Variants in CCDC12 observed in about 807,000 individuals in gnomAD.
CCDC12 encodes coiled-coil domain-containing protein 12.
Under a neutral mutation model 25.7 loss-of-function variants are expected in CCDC12, and 28 were observed. The observed-to-expected ratio is 1.09, with a 90% CI of 0.81 to 1.50. CCDC12 has a LOEUF of 1.50. Ranked by LOEUF, CCDC12 falls within the 40% of genes most tolerant of loss-of-function variation. The pLI is 0.00. For missense variants in CCDC12, 198 were observed against 210.0 expected (o/e 0.94, Z 0.35); for synonymous variants, 75 against 87.7 (o/e 0.86, Z 0.81).
intron 1 of CCDC12, among the ~76,000 whole-genome samples, chr3:46,949,487 A>G (rs1211491740): frequency 2.0e-5 from 3 of 152,102 alleles, no homozygotes; most frequent in Non-Finnish European, 4.4e-5. Context: ...CCTGGCTCCA[A>G]ACTCCCTCCA....
intron 1 of CCDC12, among the ~76,000 whole-genome samples, chr3:46,948,897 T>C (rs2034008038): frequency 6.6e-6 from 1 of 152,200 alleles, no homozygotes; most frequent in Non-Finnish European, 1.5e-5. Context: ...CAGCAGACTT[T>C]ATCAGTCGAC....
chr3:46,976,962 AAAAAAAAG>A, upstream of CCDC12: 2 of 570,232 alleles, frequency 3.5e-6, no homozygotes, highest in Non-Finnish European at 2.9e-6. Flanking sequence ...GCCAGCAAAA[AAAAAAAAG>A]AAAAAAAAAA....
At position 46,973,353 on chromosome 3, in the gene CCDC12, C is replaced by CAAAA. The variant is rs71098438; in HGVS notation, c.96+3280_96+3283dup. On this transcript the variant is annotated intron_variant, in intron 1 of 6. Transcript: ENST00000683445. ...GGGCAACAAGAGCGAAGCTCCATCT[C>CAAAA]AAAAAAAAAAAAAAAAAATTAATCC... 2.3e-3 allele frequency among the ~76,000 whole-genome samples: 240 copies of CAAAA among 103,914 alleles called. 2 individuals are homozygous for CAAAA. The highest frequency in any genetic ancestry group is 8.6e-3 in the African/African-American group (216 of 25,148). 68.2% of individuals were successfully genotyped at this position (103,914 alleles called of 152,430 possible). A position where few individuals can be genotyped will look rare whatever the true frequency, so the allele number is the denominator to read the frequency against.
intron 1 of CCDC12, among the ~76,000 whole-genome samples, chr3:46,962,197 G>A (rs1243559257): frequency 1.3e-5 from 2 of 152,086 alleles, no homozygotes; most frequent in Admixed American, 1.3e-4. Context: ...ACTTTGGGAG[G>A]CTGAGGGGGG....
At chr3:46,970,360 T>C (rs536015697) in intron 1 of CCDC12, among the ~76,000 whole-genome samples, 5 of 152,226 alleles carry the variant, frequency 3.3e-5, no homozygotes, top group South Asian at 2.1e-4. Flanking sequence ...TCTTCTTCCA[T>C]TGTGGCCCAG....
chr3:46,950,501 T>C (rs1358364254), intron 1 of CCDC12, among the ~76,000 whole-genome samples: 1 of 85,332 alleles, frequency 1.2e-5, no homozygotes, highest in East Asian at 3.5e-4. Context: ...TTTTTTGGGG[T>C]AGAGACAGGG....
chr3:46,959,905 C>T lies in CCDC12; in HGVS notation c.96+16732G>A, dbSNP rs1288681754. Among the ~76,000 whole-genome samples the T allele has an allele frequency of 3.4e-4, 51 of 152,232 alleles. 1 individual carries two copies. The highest frequency in any genetic ancestry group is 7.3e-5 in the Non-Finnish European group (5 of 68,042). On this transcript the variant is annotated intron_variant, in intron 1 of 6. Transcript: ENST00000683445. ...CTCAGCACCTCTACCAGCTCAGGCT[C>T]TGTCTTGTGAGTTATGCAGCCTGGG...
chr3:46,971,005 C>A (rs1476108585), intron 1 of CCDC12, among the ~76,000 whole-genome samples: 1 of 152,206 alleles, frequency 6.6e-6, no homozygotes, highest in East Asian at 1.9e-4. Flanking sequence ...GTACCCCAGT[C>A]CAGCACTTTC....
At chr3:46,968,355 C>CG (rs11420860) in intron 1 of CCDC12, among the ~76,000 whole-genome samples, 143,876 of 152,236 alleles carry the variant, frequency 0.95, 68,558 homozygotes, top group East Asian at 1. Flanking sequence ...CCACTGGAAC[C>CG]GGGCCAGTTC....
At chr3:46,925,168 G>A (rs2032891711) in intron 3 of CCDC12, 1 of 598,258 alleles carries the variant, frequency 1.7e-6, no homozygotes, top group Non-Finnish European at 3.1e-6. Flanking sequence ...GGAGTCCTCT[G>A]AGAGGATGTG....
chr3:46,967,953 G>A (rs749211991), intron 1 of CCDC12, among the ~76,000 whole-genome samples: 51 of 152,174 alleles, frequency 3.4e-4, no homozygotes, highest in Non-Finnish European at 6.2e-4. Flanking sequence ...TAGGTCTGAG[G>A]TAGGGCCAGA....
At chr3:46,974,520 T>C (rs1331530532) in intron 1 of CCDC12, among the ~76,000 whole-genome samples, 2 of 152,168 alleles carry the variant, frequency 1.3e-5, no homozygotes, top group Non-Finnish European at 2.9e-5. Context: ...GAACTAGCCA[T>C]TGTTTGAAAG....
intron 2 of CCDC12, chr3:46,940,768 TG>T (rs2033668736): frequency 1.8e-6 from 1 of 571,366 alleles, no homozygotes; most frequent in Non-Finnish European, 3.1e-6. Context: ...AAGAAAATGC[TG>T]GGGGCTGAGT....
intron 1 of CCDC12, among the ~76,000 whole-genome samples, chr3:46,968,440 G>A (rs773795468): frequency 3.9e-5 from 6 of 152,154 alleles, no homozygotes; most frequent in Non-Finnish European, 7.3e-5. Flanking sequence ...AAAGAAGAAA[G>A]GACAGGCATC....
intron 1 of CCDC12, among the ~76,000 whole-genome samples, chr3:46,970,879 AG>A (rs1288309003): frequency 6.6e-6 from 1 of 152,216 alleles, no homozygotes; most frequent in East Asian, 1.9e-4. Flanking sequence ...TCACCCAGCC[AG>A]GAACTTCTGG....
intron 1 of CCDC12, among the ~76,000 whole-genome samples, chr3:46,956,939 C>A (rs570446113): frequency 1.3e-5 from 2 of 152,278 alleles, no homozygotes; most frequent in East Asian, 3.9e-4. Flanking sequence ...CCTCGGGTCT[C>A]GACCTCAAGT....
chr3:46,929,159 T>C (rs1201126554), intron 2 of CCDC12, among the ~76,000 whole-genome samples: 1 of 152,210 alleles, frequency 6.6e-6, no homozygotes, highest in Non-Finnish European at 1.5e-5. Context: ...GTAAAAATAC[T>C]ACTATTTTCT....
chr3:46,979,854 G>T (rs988548484), upstream of CCDC12: 5 of 460,884 alleles, frequency 1.1e-5, no homozygotes, highest in Middle Eastern at 5.5e-4. Flanking sequence ...CCGGAGCCGG[G>T]CCGGGCCATG....
chr3:46,955,002 C>T (rs2034243280), intron 1 of CCDC12, among the ~76,000 whole-genome samples: 1 of 152,168 alleles, frequency 6.6e-6, no homozygotes. Flanking sequence ...CACGTCACAC[C>T]ACTGGCTTAT....
Sources: gnomAD v4.1 joint callset for allele counts (sites outside exome capture counted in the v4.1 genomes callset) on GRCh38, gnomAD v4.1.1 for gene constraint, MANE v1.5 for transcripts, NCBI Gene and HGNC (gene_info 2026-07-23, HGNC 2026-07-21) for gene names.